Variants in TMEM132B observed in about 807,000 individuals in gnomAD.
TMEM132B encodes the protein transmembrane protein 132B.
In TMEM132B, 18 loss-of-function variants were observed where a neutral mutation model predicts 90.8. That is an observed-to-expected ratio of 0.20 (90% CI 0.14 to 0.29). The LOEUF (loss-of-function observed/expected upper bound fraction) is 0.29, where lower values mean the gene tolerates loss of function less well. Ranked by LOEUF, TMEM132B falls within the 10% of genes least tolerant of loss-of-function variation. TMEM132B has a pLI of 1.00. For synonymous variants in TMEM132B, 504 were observed against 523.3 expected (o/e 0.96, Z 0.50); for missense variants, 1,096 against 1,326.8 (o/e 0.83, Z 2.70).
intron 1 of TMEM132B, among the ~76,000 whole-genome samples, chr12:125,276,733 T>C (rs1348016161): frequency 6.6e-6 from 1 of 152,206 alleles, no homozygotes; most frequent in African/African-American, 2.4e-5. Flanking sequence ...GTCAGTCAAA[T>C]GGCGGAAGCG....
chr12:125,389,199 T>C (rs1388270568), intron 2 of TMEM132B, among the ~76,000 whole-genome samples: 3 of 152,272 alleles, frequency 2.0e-5, no homozygotes, highest in Non-Finnish European at 2.9e-5. Flanking sequence ...TTAAAAGAAG[T>C]ATAATTTCAG....
chr12:125,326,352 C>T (rs932452360), intron 1 of TMEM132B, among the ~76,000 whole-genome samples: 2 of 152,240 alleles, frequency 1.3e-5, no homozygotes, highest in African/African-American at 4.8e-5. Flanking sequence ...TACTCTGTTC[C>T]GAAGTGACTG....
At chr12:125,228,843 G>A (rs185680530) in intron 1 of TMEM132B, among the ~76,000 whole-genome samples, 14 of 152,334 alleles carry the variant, frequency 9.2e-5, no homozygotes, top group East Asian at 5.8e-4. Context: ...TGGTTTAGAA[G>A]TGGCCACGTG....
chr12:125,580,590 T>C (rs1885033838), intron 4 of TMEM132B, among the ~76,000 whole-genome samples: 1 of 152,218 alleles, frequency 6.6e-6, no homozygotes, highest in Admixed American at 6.5e-5. Context: ...AAGTGTGAGA[T>C]TTAAGCAGGT....
intron 4 of TMEM132B, among the ~76,000 whole-genome samples, chr12:125,583,326 C>T (rs577829234): frequency 3.9e-5 from 6 of 152,068 alleles, no homozygotes; most frequent in South Asian, 2.1e-4. Context: ...CTGGAGGTGT[C>T]GGGGAGGTGG....
At chr12:125,528,286 C>T (rs1018923380) in intron 4 of TMEM132B, among the ~76,000 whole-genome samples, 3 of 152,082 alleles carry the variant, frequency 2.0e-5, no homozygotes, top group Non-Finnish European at 2.9e-5. Flanking sequence ...CACCCTTCAA[C>T]GACTGTTCTT....
At chr12:125,205,751 A>G (rs1265422573) in intron 1 of TMEM132B, among the ~76,000 whole-genome samples, 3 of 152,226 alleles carry the variant, frequency 2.0e-5, no homozygotes, top group Non-Finnish European at 4.4e-5. Flanking sequence ...TGGCAGCTGT[A>G]TGGCCTTTTA....
intron 1 of TMEM132B, among the ~76,000 whole-genome samples, chr12:125,252,416 G>A (rs895337326): frequency 1.3e-5 from 2 of 152,144 alleles, no homozygotes; most frequent in African/African-American, 2.4e-5. Flanking sequence ...GCCTGCACTC[G>A]CTGTCTCTGG....
chr12:125,623,668 A>T (rs1359230866), intron 5 of TMEM132B, among the ~76,000 whole-genome samples: 1 of 152,182 alleles, frequency 6.6e-6, no homozygotes, highest in African/African-American at 2.4e-5. Flanking sequence ...AGCACTGTGC[A>T]AACCCTACTG....
intron 1 of TMEM132B, among the ~76,000 whole-genome samples, chr12:125,192,053 G>A (rs780717042): frequency 3.2e-4 from 48 of 152,244 alleles, no homozygotes; most frequent in Admixed American, 2.0e-4. Context: ...CATCACAGCT[G>A]CAAAGAGAAG....
intron 3 of TMEM132B, among the ~76,000 whole-genome samples, chr12:125,417,348 G>C (rs2136366745): frequency 6.6e-6 from 1 of 152,296 alleles, no homozygotes; most frequent in African/African-American, 2.4e-5. Flanking sequence ...CGAGAGGCAG[G>C]GTACCCTTGG....
At chr12:125,587,232 T>TGCGC (rs543452818) in intron 5 of TMEM132B, 1 of 133,430 alleles carries the variant, frequency 7.5e-6, no homozygotes, top group Non-Finnish European at 1.6e-5. Flanking sequence ...TGTGTGTGTG[T>TGCGC]GCGCACACAC....
chr12:125,328,970 T>C (rs962591658), intron 1 of TMEM132B, among the ~76,000 whole-genome samples: 1 of 152,190 alleles, frequency 6.6e-6, no homozygotes, highest in Admixed American at 6.5e-5. Context: ...TGGCTCTTAA[T>C]GGATACTGAA....
chr12:125,300,689 T>C (rs935312829), intron 1 of TMEM132B, among the ~76,000 whole-genome samples: 1 of 152,126 alleles, frequency 6.6e-6, no homozygotes, highest in Non-Finnish European at 1.5e-5. Flanking sequence ...GGAGGAGCCG[T>C]CATTAGCTCA....
chr12:125,611,961 A>G (rs1055109052), intron 5 of TMEM132B, among the ~76,000 whole-genome samples: 1 of 151,968 alleles, frequency 6.6e-6, no homozygotes, highest in Non-Finnish European at 1.5e-5. Flanking sequence ...TTCCATGTTG[A>G]TCTTCTTTCT....
chr12:125,290,947 C>G (rs77459826), intron 1 of TMEM132B, among the ~76,000 whole-genome samples: 5,924 of 152,202 alleles, frequency 0.039, 356 homozygotes, highest in African/African-American at 0.13. Context: ...TTTTATGGCA[C>G]AGTTGAATTT....
In TMEM132B at chr12:125,661,740, A is replaced by T. The variant is rs192576912; in HGVS notation, c.*7030A>T. The T allele has an allele frequency of 6.6e-6, 1 of 152,356 alleles. No individual in the cohort carries two copies. The highest frequency in any genetic ancestry group is 2.4e-5 in the African/African-American group (1 of 41,582). The allele number at this position is 152,356 out of a possible 1,614,324, so 9.4% of individuals were successfully genotyped here. On this transcript the variant is annotated 3_prime_UTR_variant, in exon 9 of 9. Transcript: ENST00000682704. ...CATAACTATGAAAGGCTGAGAGTGG[A>T]GAATTAAGTCATAAGGAAATGATCA... is the stretch of plus-strand genomic sequence containing the variant.
At chr12:125,256,600 C>T (rs1486407433) in intron 1 of TMEM132B, among the ~76,000 whole-genome samples, 1 of 152,226 alleles carries the variant, frequency 6.6e-6, no homozygotes, top group African/African-American at 2.4e-5. Context: ...CTGAAATATT[C>T]GCCATCTGGC....
chr12:125,541,443 C>G (rs1320907035), intron 4 of TMEM132B, among the ~76,000 whole-genome samples: 1 of 152,098 alleles, frequency 6.6e-6, no homozygotes, highest in Non-Finnish European at 1.5e-5. Flanking sequence ...CCTTCTCTCT[C>G]ATGTATTTCT....
Sources: allele counts gnomAD v4.1 joint callset (sites outside exome capture counted in the v4.1 genomes callset), GRCh38; gene constraint gnomAD v4.1.1; transcripts MANE v1.5; gene names NCBI Gene and HGNC (gene_info 2026-07-23, HGNC 2026-07-21).